NALCN: variants seen among roughly 807,000 people sequenced by gnomAD.
NALCN encodes the protein sodium leak channel, non-selective.
Under a neutral mutation model 225.3 loss-of-function variants are expected in NALCN, and 111 were observed. The observed-to-expected ratio is 0.49, with a 90% CI of 0.42 to 0.58. The LOEUF (loss-of-function observed/expected upper bound fraction) is 0.58, where lower values mean the gene tolerates loss of function less well. Among genes scored for constraint, NALCN ranks in the 20% least tolerant of loss-of-function variants. The probability of loss-of-function intolerance (pLI) is 0.00; values close to 1 mark genes in which losing one functional copy is unlikely to be tolerated. For synonymous variants in NALCN, 764 were observed against 769.0 expected (o/e 0.99, Z 0.11); for missense variants, 1,378 against 2,202.4 (o/e 0.63, Z 7.49).
At chr13:101,128,538 T>C (rs1380533700) in intron 17 of NALCN, among the ~76,000 whole-genome samples, 1 of 152,012 alleles carries the variant, frequency 6.6e-6, no homozygotes, top group Non-Finnish European at 1.5e-5. Context: ...ATTTGACCTA[T>C]AGTTTTTGAG....
intron 36 of NALCN, among the ~76,000 whole-genome samples, chr13:101,074,190 A>G (rs1325820280): frequency 1.3e-5 from 2 of 152,212 alleles, no homozygotes; most frequent in East Asian, 3.8e-4. Context: ...TAAAAATAAT[A>G]TATCATTTTT....
intron 15 of NALCN, among the ~76,000 whole-genome samples, chr13:101,151,695 A>G (rs1291865499): frequency 6.6e-6 from 1 of 152,234 alleles, no homozygotes; most frequent in Non-Finnish European, 1.5e-5. Flanking sequence ...AATTCAGAAC[A>G]TAGAGTCTTG....
intron 1 of NALCN, among the ~76,000 whole-genome samples, chr13:101,399,741 T>C (rs1236685408): frequency 2.2e-4 from 33 of 152,194 alleles, no homozygotes. Context: ...ATCTAAATTC[T>C]TCCAGCTACT....
intron 15 of NALCN, among the ~76,000 whole-genome samples, chr13:101,145,330 T>C (rs2037296003): frequency 1.3e-5 from 2 of 152,234 alleles, no homozygotes; most frequent in Admixed American, 1.3e-4. Flanking sequence ...TACTAAGTAG[T>C]AGCATTTGTA....
Position 101,089,667 on chromosome 13 carries a change from T to A in NALCN, c.3485A>T (p.Asn1162Ile). 1 of 1,613,644 alleles carries A rather than the reference T, an allele frequency of 6.2e-7. No homozygotes were observed. Among genetic ancestry groups the A allele is most frequent in the Non-Finnish European group, 8.5e-7 (1 of 1,179,892 alleles). Residue 1162 changes from asparagine to isoleucine, a missense_variant, in exon 30 of 44, where the codon AAC becomes ATC. Asn to Ile is a moderately radical substitution (Grantham distance 149). Coordinates refer to ENST00000251127, the MANE Select transcript of NALCN (RefSeq NM_052867.4). This position sits in a 1 kb window ranked among gnomAD's most constrained non-coding sequence, Gnocchi z 4.7. ...ATCCAAACCAAAAATCCTTACCTTGTTTTCATTGAAATTAGCAATAACTAC... is the reference window on the plus strand; with the variant it reads ...ATCCAAACCAAAAATCCTTACCTTGATTTCATTGAAATTAGCAATAACTAC... ...VGVVIANFNE[N>I]KGTALLTVDQ...
chr13:101,185,147 G>A (rs1455657050), intron 14 of NALCN, among the ~76,000 whole-genome samples: 1 of 152,002 alleles, frequency 6.6e-6, no homozygotes, highest in South Asian at 2.1e-4. Flanking sequence ...TTTTTATATG[G>A]GTCAACAAAA....
chr13:101,377,302 G>C (rs187905650), intron 4 of NALCN, among the ~76,000 whole-genome samples: 1 of 152,250 alleles, frequency 6.6e-6, no homozygotes, highest in East Asian at 1.9e-4. Context: ...CGTTCGTTAA[G>C]ACAGTTTTTA....
At chr13:101,285,017 T>C (rs1429796903) in intron 9 of NALCN, among the ~76,000 whole-genome samples, 1 of 152,178 alleles carries the variant, frequency 6.6e-6, no homozygotes, top group African/African-American at 2.4e-5. Flanking sequence ...CACTGTTTCA[T>C]TCCTACCTGA....
At chr13:101,272,711 G>GA (rs1227430342) in intron 10 of NALCN, among the ~76,000 whole-genome samples, 1 of 152,176 alleles carries the variant, frequency 6.6e-6, no homozygotes, top group East Asian at 1.9e-4. Context: ...GAAATGCAGG[G>GA]AAAACCTAGT....
intron 34 of NALCN, among the ~76,000 whole-genome samples, chr13:101,079,298 T>A (rs1395834993): frequency 6.6e-6 from 1 of 152,234 alleles, no homozygotes; most frequent in Non-Finnish European, 1.5e-5. Context: ...TTGGAAGTAA[T>A]GACAACCAAT....
At position 101,111,160 on chromosome 13, in the gene NALCN, G is replaced by T; in HGVS notation, c.2259C>A (p.Ile753=). Reference sequence around the variant, plus strand: ...GGCGGATATGATGCTGCACGCTGAGGATTGACCTCTCCTTTGCGGGCTGCC... The same window carrying T: ...GGCGGATATGATGCTGCACGCTGAGTATTGACCTCTCCTTTGCGGGCTGCC... The part of the protein sequence containing the change: ...FEGQPAKERS[I]LSVQHHIRQE... Residue 753 remains isoleucine (I), a synonymous_variant, in exon 19 of 44, where the codon ATC becomes ATA. Coordinates refer to ENST00000251127, the MANE Select transcript of NALCN (RefSeq NM_052867.4). The T allele has an allele frequency of 1.2e-6, 2 of 1,608,804 alleles. No homozygotes were observed. The highest frequency in any genetic ancestry group is 4.5e-5 in the East Asian group (2 of 44,690).
chr13:101,265,869 AAG>A (rs1369718349), intron 10 of NALCN, among the ~76,000 whole-genome samples: 2 of 152,226 alleles, frequency 1.3e-5, no homozygotes, highest in Non-Finnish European at 2.9e-5. Flanking sequence ...TATATTAAAA[AAG>A]AGTGACAGCA....
At chr13:101,113,805 T>C (rs2035565049) in intron 18 of NALCN, among the ~76,000 whole-genome samples, 1 of 152,242 alleles carries the variant, frequency 6.6e-6, no homozygotes, top group African/African-American at 2.4e-5. Flanking sequence ...CAGTATGTTA[T>C]TAACCAAGCT....
intron 7 of NALCN, among the ~76,000 whole-genome samples, chr13:101,298,638 A>G (rs1330080897): frequency 6.6e-6 from 1 of 152,206 alleles, no homozygotes; most frequent in Non-Finnish European, 1.5e-5. Context: ...GAACTAATGA[A>G]AAAAGAGAGC....
intron 10 of NALCN, among the ~76,000 whole-genome samples, chr13:101,267,778 C>T (rs2042645375): frequency 6.6e-6 from 1 of 152,176 alleles, no homozygotes; most frequent in South Asian, 2.1e-4. Context: ...CTGAGATTGG[C>T]TCAGACTAGC....
chr13:101,381,738 A>G (rs2046854396), intron 3 of NALCN, among the ~76,000 whole-genome samples: 1 of 152,172 alleles, frequency 6.6e-6, no homozygotes, highest in Admixed American at 6.6e-5. Context: ...TGAATGAAAT[A>G]AAATATAAAA....
At chr13:101,254,166 C>A (rs553055510) in intron 11 of NALCN, among the ~76,000 whole-genome samples, 1 of 151,476 alleles carries the variant, frequency 6.6e-6, no homozygotes, top group Admixed American at 6.6e-5. Context: ...ATGGATCGCT[C>A]GAGCCCAGGA....
Position 101,055,185 on chromosome 13 carries a change from G to T in NALCN, c.*110C>A, listed in dbSNP as rs575131316. 69 of 842,332 alleles carry T rather than the reference G, an allele frequency of 8.2e-5. No individual in the cohort carries two copies. The East Asian group carries it at 1.7e-3, about 21-fold the overall frequency. The allele number at this position is 842,332 out of a possible 1,614,324, so 52.2% of individuals were successfully genotyped here. On this transcript the variant is annotated 3_prime_UTR_variant, in exon 44 of 44. Coordinates refer to ENST00000251127, the MANE Select transcript of NALCN (RefSeq NM_052867.4). The stretch of plus-strand genomic sequence containing the variant: ...GAAAATCAATTTATAAACATCTTGT[G>T]ACAAGCTGGAATTCAGTTATAGATC...
chr13:101,372,530 C>T (rs1050492477), intron 6 of NALCN, among the ~76,000 whole-genome samples: 4 of 152,112 alleles, frequency 2.6e-5, no homozygotes, highest in Non-Finnish European at 4.4e-5. Context: ...TAAAATTATG[C>T]ACCCAAATAA....
Sources: allele counts gnomAD v4.1 joint callset (sites outside exome capture counted in the v4.1 genomes callset), GRCh38; gene constraint gnomAD v4.1.1; non-coding constraint Gnocchi (gnomAD v3.1); transcripts MANE v1.5; gene names NCBI Gene and HGNC (gene_info 2026-07-23, HGNC 2026-07-21).